The following GRIK4 variants were observed in gnomAD, a reference collection of about 807,000 sequenced individuals.
The protein encoded by GRIK4 is glutamate receptor ionotropic, kainate 4.
A neutral mutation model predicts 104.9 loss-of-function variants in GRIK4; 40 were observed. That is an observed-to-expected ratio of 0.38 (90% CI 0.30 to 0.50). GRIK4 has a LOEUF of 0.50. Among genes scored for constraint, GRIK4 ranks in the 20% least tolerant of loss-of-function variants. The pLI is 0.93. For missense variants in GRIK4, 1,047 were observed against 1,308.1 expected (o/e 0.80, Z 3.08); for synonymous variants, 485 against 524.9 (o/e 0.92, Z 1.04).
chr11:120,660,392 T>A lies in GRIK4; in HGVS notation c.74T>A (p.Leu25Ter). The A allele has an allele frequency of 6.2e-7, 1 of 1,612,078 alleles. No homozygotes were observed. The highest frequency in any genetic ancestry group is 8.5e-7 in the Non-Finnish European group (1 of 1,179,440). ...ATGGTCGCCTGCAGCCCGCACTCCTTGAGGATCGGTAAGTGTGGCCCAGCT... is the reference window on the plus strand; with the variant it reads ...ATGGTCGCCTGCAGCCCGCACTCCTAGAGGATCGGTAAGTGTGGCCCAGCT... ...LVMVACSPHS[L>*]RIAAILDDPM... Residue 25 changes from leucine to a stop codon, truncating the protein, a stop_gained, in exon 3 of 21, where the codon TTG becomes TAG. Transcript: ENST00000527524. LOFTEE classifies it high-confidence loss of function.
At chr11:120,754,659 A>ACT (rs1372612253) in intron 3 of GRIK4, among the ~76,000 whole-genome samples, 1 of 152,034 alleles carries the variant, frequency 6.6e-6, no homozygotes, top group Admixed American at 6.5e-5. Context: ...CCTTTGGGGA[A>ACT]CTCCAGACTG....
chr11:120,582,458 C>T (rs576258845), intron 1 of GRIK4, among the ~76,000 whole-genome samples: 2 of 152,200 alleles, frequency 1.3e-5, no homozygotes, highest in East Asian at 3.9e-4. Context: ...CTTCTCCCTC[C>T]TCTCACCCCC....
intron 3 of GRIK4, among the ~76,000 whole-genome samples, chr11:120,675,457 C>G (rs1950085241): frequency 6.6e-6 from 1 of 152,212 alleles, no homozygotes; most frequent in African/African-American, 2.4e-5. Context: ...CTCAATTTTC[C>G]ATCTTTGGAC....
chr11:120,654,442 C>T (rs900738088), intron 2 of GRIK4, among the ~76,000 whole-genome samples: 4 of 152,152 alleles, frequency 2.6e-5, no homozygotes, highest in Non-Finnish European at 5.9e-5. Flanking sequence ...CTGCCCACTG[C>T]GACCTCTGTC....
At chr11:120,527,599 G>T (rs1405820950) in intron 1 of GRIK4, among the ~76,000 whole-genome samples, 1 of 152,262 alleles carries the variant, frequency 6.6e-6, no homozygotes, top group Non-Finnish European at 1.5e-5. Flanking sequence ...CGGGCTGGGG[G>T]CTGGGAGGAA....
intron 3 of GRIK4, among the ~76,000 whole-genome samples, chr11:120,757,475 G>A (rs1565335196): frequency 6.6e-6 from 1 of 152,208 alleles, no homozygotes; most frequent in Non-Finnish European, 1.5e-5. Context: ...TTAGAGTATG[G>A]AAAATAGCAA....
chr11:120,876,092 C>T (rs1352851785), intron 11 of GRIK4, among the ~76,000 whole-genome samples: 1 of 151,648 alleles, frequency 6.6e-6, no homozygotes, highest in African/African-American at 2.4e-5. Context: ...ATCACCTTTT[C>T]CAGGAGATTA....
At chr11:120,613,126 T>A (rs140182462) in intron 1 of GRIK4, among the ~76,000 whole-genome samples, 7 of 152,294 alleles carry the variant, frequency 4.6e-5, no homozygotes, top group Middle Eastern at 3.4e-3. Flanking sequence ...CCATGTGTCG[T>A]TGTGACTCAG....
chr11:120,961,990 T>C (rs948117949), intron 17 of GRIK4, among the ~76,000 whole-genome samples: 1 of 152,150 alleles, frequency 6.6e-6, no homozygotes, highest in Non-Finnish European at 1.5e-5. Context: ...GATTGATCAA[T>C]TGGTTTAGGG....
intron 2 of GRIK4, among the ~76,000 whole-genome samples, chr11:120,654,668 T>G (rs1213489421): frequency 1.3e-5 from 2 of 152,186 alleles, no homozygotes; most frequent in Non-Finnish European, 2.9e-5. Flanking sequence ...TGGCCAGTAT[T>G]TATTATTGAG....
chr11:120,769,680 A>G (rs1244950679), intron 3 of GRIK4, among the ~76,000 whole-genome samples: 2 of 152,200 alleles, frequency 1.3e-5, no homozygotes, highest in Non-Finnish European at 2.9e-5. Context: ...CACTAATAAG[A>G]GCTCATTCCT....
chr11:120,901,065 C>G lies in GRIK4; in HGVS notation c.1272+2426C>G, dbSNP rs12294262. On this transcript the variant is annotated intron_variant, in intron 12 of 20. Transcript: ENST00000527524. ...AGGATCGGGGCCCCTCTACTTCTTT[C>G]TCTGGAGCCGCTCCATACTCTGCTG... Among the ~76,000 whole-genome samples the G allele has an allele frequency of 2.3e-3, 353 of 152,310 alleles. 3 individuals carry two copies. Among genetic ancestry groups the G allele is most frequent in the African/African-American group, 8.1e-3 (336 of 41,568 alleles).
intron 1 of GRIK4, among the ~76,000 whole-genome samples, chr11:120,515,556 T>C (rs1355350427): frequency 7.9e-5 from 12 of 152,224 alleles, no homozygotes; most frequent in Admixed American, 5.9e-4. Flanking sequence ...CCCCTGCTCC[T>C]ACCTGGTATT....
chr11:120,780,978 G>T (rs1591904557), intron 3 of GRIK4, among the ~76,000 whole-genome samples: 1 of 152,084 alleles, frequency 6.6e-6, no homozygotes, highest in South Asian at 2.1e-4. Flanking sequence ...TCCTGACCTC[G>T]TGATCTGCCT....
intron 6 of GRIK4, among the ~76,000 whole-genome samples, chr11:120,822,968 TG>T (rs1391941101): frequency 6.6e-6 from 1 of 152,224 alleles, no homozygotes; most frequent in Non-Finnish European, 1.5e-5. Flanking sequence ...TGCATTCCAC[TG>T]GGTGGTTTTC....
At chr11:120,805,301 T>A (rs1286079686) in intron 4 of GRIK4, among the ~76,000 whole-genome samples, 1 of 152,018 alleles carries the variant, frequency 6.6e-6, no homozygotes, top group Non-Finnish European at 1.5e-5. Flanking sequence ...AGCCAGCCCT[T>A]CTCTTCTCGG....
At chr11:120,931,063 A>G (rs569243958) in intron 13 of GRIK4, among the ~76,000 whole-genome samples, 5 of 152,194 alleles carry the variant, frequency 3.3e-5, no homozygotes, top group Admixed American at 3.3e-4. Flanking sequence ...ACATCTCTGA[A>G]TTGGCAATTA....
rs576611732 is a variant in GRIK4, at chr11:120,518,927, T to C, written c.-159+7040T>C. 2.6e-5 allele frequency among the ~76,000 whole-genome samples: 4 copies of C among 152,340 alleles called. No individual in the cohort carries two copies. In the East Asian group the frequency reaches 7.7e-4, roughly 29 times the overall value. ...GCCACTGTGCCTGGCTTAGCCTGTG[T>C]CTTTTGCTGGGTCTTGTGGCCCTGC... On this transcript the variant is annotated intron_variant, in intron 1 of 20. Coordinates refer to ENST00000527524, the MANE Select transcript of GRIK4 (RefSeq NM_014619.5).
rs1332534286 is a variant in GRIK4, at chr11:120,958,267, T to C, written c.1874+1314T>C. Among the ~76,000 whole-genome samples the C allele has an allele frequency of 2.0e-5, 3 of 152,238 alleles. No homozygotes were observed. The East Asian group carries it at 5.8e-4, about 29-fold the overall frequency. ...AAATCCCTCCTCCAGGACCCAGCCA[T>C]CCTGCAGGTTGCCCTGCCCTGAGGG... On this transcript the variant is annotated intron_variant, in intron 16 of 20. Coordinates refer to ENST00000527524, the MANE Select transcript of GRIK4 (RefSeq NM_014619.5).
Sources: gnomAD v4.1 joint callset for allele counts (sites outside exome capture counted in the v4.1 genomes callset) on GRCh38, gnomAD v4.1.1 for gene constraint, MANE v1.5 for transcripts, NCBI Gene and HGNC (gene_info 2026-07-23, HGNC 2026-07-21) for gene names.